ADAMTS6: variants seen among roughly 807,000 people sequenced by gnomAD.
ADAMTS6 encodes the protein ADAM metallopeptidase with thrombospondin type 1 motif 6, also known as A disintegrin and metalloproteinase with thrombospondin motifs 6.
A neutral mutation model predicts 144.3 loss-of-function variants in ADAMTS6; 23 were observed. The observed-to-expected ratio is 0.16, with a 90% CI of 0.11 to 0.23. ADAMTS6 has a LOEUF of 0.23. Ranked by LOEUF, ADAMTS6 falls within the 10% of genes least tolerant of loss-of-function variation. The pLI is 1.00. For synonymous variants in ADAMTS6, 444 were observed against 457.5 expected (o/e 0.97, Z 0.38); for missense variants, 999 against 1,379.6 (o/e 0.72, Z 4.37).
intron 7 of ADAMTS6, among the ~76,000 whole-genome samples, chr5:65,387,183 A>C (rs1752543374): frequency 6.6e-6 from 1 of 152,182 alleles, no homozygotes. Flanking sequence ...CAAAACCTAC[A>C]CTATTAGTCT....
At chr5:65,379,885 T>A (rs1376582728) in intron 7 of ADAMTS6, among the ~76,000 whole-genome samples, 6 of 152,052 alleles carry the variant, frequency 3.9e-5, no homozygotes, top group Non-Finnish European at 5.9e-5. Context: ...GATACATACA[T>A]TTGCCTTTTA....
At chr5:65,155,136 CTCTTT>C (rs1195738639) in intron 24 of ADAMTS6, among the ~76,000 whole-genome samples, 17 of 152,142 alleles carry the variant, frequency 1.1e-4, no homozygotes, top group Admixed American at 1.0e-3. Context: ...ATCTTTTATT[CTCTTT>C]TAACTCCACA....
chr5:65,247,189 T>C (rs1759706423), intron 14 of ADAMTS6, among the ~76,000 whole-genome samples: 1 of 152,168 alleles, frequency 6.6e-6, no homozygotes, highest in Non-Finnish European at 1.5e-5. Context: ...TCTCAGCATC[T>C]TTAGATCTTA....
At chr5:65,230,305 T>C (rs867807509) in intron 15 of ADAMTS6, among the ~76,000 whole-genome samples, 1 of 115,406 alleles carries the variant, frequency 8.7e-6, no homozygotes, top group Non-Finnish European at 1.7e-5. Context: ...TATATATATA[T>C]ATATATGAAA....
chr5:65,280,941 C>T (rs1762939729), intron 11 of ADAMTS6, among the ~76,000 whole-genome samples: 1 of 152,084 alleles, frequency 6.6e-6, no homozygotes, highest in Admixed American at 6.6e-5. Context: ...CCATGATGAA[C>T]TAAAACTGAA....
chr5:65,187,765 A>G (rs1754760387), intron 22 of ADAMTS6, among the ~76,000 whole-genome samples: 1 of 152,188 alleles, frequency 6.6e-6, no homozygotes, highest in Admixed American at 6.5e-5. Flanking sequence ...AGTACCCACT[A>G]TAATGTTATT....
rs1299062543 is a variant in ADAMTS6 at position 65,149,916 on chromosome 5, A to G, written c.*1920T>C. The G allele has an allele frequency of 2.0e-5, 3 of 152,582 alleles. No individual in the cohort carries two copies. The highest frequency in any genetic ancestry group is 4.4e-5 in the Non-Finnish European group (3 of 68,054). The allele number at this position is 152,582 out of a possible 1,614,324, so 9.5% of individuals were successfully genotyped here. A position where few individuals can be genotyped will look rare whatever the true frequency, so the allele number is the denominator to read the frequency against. ...CCTGGTGATTCCTCTTGTATCATCAATAGCTCTCTCTGGAAGGCTCAGGGT... is the reference window on the plus strand; with the variant it reads ...CCTGGTGATTCCTCTTGTATCATCAGTAGCTCTCTCTGGAAGGCTCAGGGT... On this transcript the variant is annotated 3_prime_UTR_variant, in exon 25 of 25. Coordinates refer to ENST00000381055, the MANE Select transcript of ADAMTS6 (RefSeq NM_197941.4).
intron 7 of ADAMTS6, among the ~76,000 whole-genome samples, chr5:65,437,025 A>C (rs1445359220): frequency 6.6e-6 from 1 of 152,084 alleles, no homozygotes; most frequent in African/African-American, 2.4e-5. Context: ...CCTTACAATC[A>C]TAGCAAAAGG....
intron 23 of ADAMTS6, among the ~76,000 whole-genome samples, chr5:65,171,747 A>G (rs2112078353): frequency 6.6e-6 from 1 of 152,158 alleles, no homozygotes; most frequent in Middle Eastern, 3.4e-3. Flanking sequence ...CAGGTTTTCT[A>G]AGGGATTGCC....
chr5:65,256,962 TC>T (rs1336591208), intron 14 of ADAMTS6, among the ~76,000 whole-genome samples: 14 of 127,148 alleles, frequency 1.1e-4, no homozygotes, highest in African/African-American at 5.1e-4. Context: ...GGTCACTTTT[TC>T]TCTCTCTCTC....
intron 20 of ADAMTS6, chr5:65,210,616 G>T: frequency 1.6e-6 from 1 of 612,840 alleles, no homozygotes; most frequent in South Asian, 1.7e-5. Context: ...CCCAAAGGAA[G>T]CTATGGATGG....
chr5:65,281,060 AC>A (rs1762952345), intron 11 of ADAMTS6, among the ~76,000 whole-genome samples: 1 of 152,186 alleles, frequency 6.6e-6, no homozygotes, highest in Non-Finnish European at 1.5e-5. Flanking sequence ...TTCAGGGTAT[AC>A]TATCAACAAC....
intron 22 of ADAMTS6, among the ~76,000 whole-genome samples, chr5:65,173,744 G>T (rs1235578102): frequency 1.3e-5 from 2 of 152,024 alleles, no homozygotes; most frequent in Non-Finnish European, 2.9e-5. Flanking sequence ...TGTAATTCAG[G>T]CCAGGCACGG....
intron 7 of ADAMTS6, among the ~76,000 whole-genome samples, chr5:65,395,172 A>G (rs529065908): frequency 1.3e-5 from 2 of 152,246 alleles, no homozygotes; most frequent in African/African-American, 4.8e-5. Flanking sequence ...GCCACTCTCT[A>G]AGGAACCAAG....
At chr5:65,307,943 C>A (rs867287678) in intron 9 of ADAMTS6, among the ~76,000 whole-genome samples, 14 of 152,140 alleles carry the variant, frequency 9.2e-5, no homozygotes, top group Admixed American at 2.0e-4. Flanking sequence ...CCCTTGTTCT[C>A]CAACCTCTGG....
In ADAMTS6 at chr5:65,473,809, G is replaced by A; in HGVS notation, c.-136C>T. On this transcript the variant is annotated 5_prime_UTR_variant, in exon 2 of 25. Coordinates refer to ENST00000381055, the MANE Select transcript of ADAMTS6 (RefSeq NM_197941.4). ...AGTTATTGGATGTTCCACTGTTTAA[G>A]AGCCACTTTTATCCAACATCCTGCA... The A allele has an allele frequency of 1.6e-6, 1 of 631,456 alleles. No homozygotes were observed. Among genetic ancestry groups the A allele is most frequent in the Non-Finnish European group, 2.8e-6 (1 of 355,166 alleles). The allele number at this position is 631,456 out of a possible 1,614,324, so 39.1% of individuals were successfully genotyped here.
At chr5:65,439,440 C>T (rs1015491538) in intron 7 of ADAMTS6, among the ~76,000 whole-genome samples, 2 of 151,854 alleles carry the variant, frequency 1.3e-5, no homozygotes, top group Non-Finnish European at 2.9e-5. Flanking sequence ...TCTTATGATA[C>T]GAAGTATTTA....
intron 24 of ADAMTS6, among the ~76,000 whole-genome samples, chr5:65,162,921 T>G (rs549394408): frequency 4.2e-4 from 64 of 151,738 alleles, no homozygotes; most frequent in South Asian, 8.4e-4. Flanking sequence ...TTTGGGGGGG[T>G]TTTTCTGAGA....
At chr5:65,154,050 A>C (rs1426462034) in intron 24 of ADAMTS6, among the ~76,000 whole-genome samples, 1 of 152,110 alleles carries the variant, frequency 6.6e-6, no homozygotes, top group Non-Finnish European at 1.5e-5. Flanking sequence ...TATACTAAAA[A>C]TACAAAAATT....
Sources: allele counts gnomAD v4.1 joint callset (sites outside exome capture counted in the v4.1 genomes callset), GRCh38; gene constraint gnomAD v4.1.1; transcripts MANE v1.5; gene names NCBI Gene and HGNC (gene_info 2026-07-23, HGNC 2026-07-21).